Variants in SAMD12 observed in about 807,000 individuals in gnomAD.
SAMD12 encodes sterile alpha motif domain containing 12.
Under a neutral mutation model 15.0 loss-of-function variants are expected in SAMD12, and 9 were observed. That is an observed-to-expected ratio of 0.60 (90% confidence interval 0.36 to 1.05). SAMD12 has a LOEUF of 1.05. Ranked by LOEUF, SAMD12 falls within the 50% of genes least tolerant of loss-of-function variation. The pLI is 0.01. For synonymous variants in SAMD12, 86 were observed against 90.1 expected, an observed-to-expected ratio of 0.96 and a Z score of 0.25; for missense variants, 230 against 234.2, an observed-to-expected ratio of 0.98 and a Z score of 0.12.
chr8:118,202,049 A>C (rs991583297), intron 4 of SAMD12, among the ~76,000 whole-genome samples: 1 of 152,204 alleles, frequency 6.6e-6, no homozygotes, highest in African/African-American at 2.4e-5. Flanking sequence ...TGTTGAACAC[A>C]TGAATTTTTC....
chr8:118,410,917 A>G (rs1047648524), intron 3 of SAMD12, among the ~76,000 whole-genome samples: 2 of 152,208 alleles, frequency 1.3e-5, no homozygotes, highest in Admixed American at 6.5e-5. Context: ...AAACCTAAAC[A>G]GGTGGCATTA....
chr8:118,288,115 A>G (rs185017883), intron 4 of SAMD12: 1 of 152,324 alleles, frequency 6.6e-6, no homozygotes, highest in East Asian at 1.9e-4. Context: ...GGTGGTGAAA[A>G]GAAGTGACGA....
chr8:118,247,303 C>T (rs1267602698), intron 4 of SAMD12, among the ~76,000 whole-genome samples: 1 of 152,002 alleles, frequency 6.6e-6, no homozygotes, highest in Non-Finnish European at 1.5e-5. Flanking sequence ...TCAAAAGATA[C>T]AGAGTTTCAG....
intron 4 of SAMD12, among the ~76,000 whole-genome samples, chr8:118,274,876 A>C (rs1813437249): frequency 6.6e-6 from 1 of 152,096 alleles, no homozygotes; most frequent in East Asian, 1.9e-4. Context: ...TAATTGGGTA[A>C]TTTTCAGTTT....
intron 4 of SAMD12, among the ~76,000 whole-genome samples, chr8:118,322,698 A>C (rs1816346364): frequency 6.6e-6 from 1 of 152,158 alleles, no homozygotes; most frequent in Non-Finnish European, 1.5e-5. Context: ...CCATGGGTAA[A>C]GTTTCCACCA....
intron 4 of SAMD12, among the ~76,000 whole-genome samples, chr8:118,364,086 G>A (rs1200335158): frequency 6.6e-6 from 1 of 152,048 alleles, no homozygotes; most frequent in Non-Finnish European, 1.5e-5. Context: ...ACGAATCCCC[G>A]AACCGACCTT....
chr8:118,180,379 T>A, the SAMD12 span, among the ~76,000 whole-genome samples: 3 of 152,118 alleles, frequency 2.0e-5, no homozygotes, highest in South Asian at 6.2e-4. Context: ...AAATATGTAA[T>A]ACAAATATCC....
chr8:118,379,812 G>A, intron 3 of SAMD12, 112 bp from the exon 4 acceptor site: 1 of 1,323,372 alleles, frequency 7.6e-7, no homozygotes, highest in Non-Finnish European at 1.0e-6. Flanking sequence ...CCTAAACACA[G>A]ACATTTTAGA....
At chr8:118,287,928 T>C (rs915427705) in intron 4 of SAMD12, among the ~76,000 whole-genome samples, 4 of 152,118 alleles carry the variant, frequency 2.6e-5, no homozygotes, top group Admixed American at 1.3e-4. Context: ...CCCCTAAGGA[T>C]AGGAAAATGA....
chr8:118,184,507 T>C (rs949071198), downstream of SAMD12, among the ~76,000 whole-genome samples: 3 of 152,052 alleles, frequency 2.0e-5, no homozygotes, highest in South Asian at 2.1e-4. Flanking sequence ...TTCTTTCTTT[T>C]TTTTCTGAGA....
intron 2 of SAMD12, among the ~76,000 whole-genome samples, chr8:118,472,598 C>T (rs1823832656): frequency 6.6e-6 from 1 of 152,058 alleles, no homozygotes; most frequent in Non-Finnish European, 1.5e-5. Flanking sequence ...TCCCTTTACC[C>T]CAGGAGTTTG....
At chr8:118,510,609 T>C (rs1825053133) in intron 2 of SAMD12, among the ~76,000 whole-genome samples, 1 of 152,200 alleles carries the variant, frequency 6.6e-6, no homozygotes, top group African/African-American at 2.4e-5. Context: ...CCCAGGGTTA[T>C]GCAGTGTAAA....
intron 2 of SAMD12, among the ~76,000 whole-genome samples, chr8:118,548,840 C>G (rs558322218): frequency 1.3e-5 from 2 of 152,242 alleles, no homozygotes; most frequent in African/African-American, 4.8e-5. Context: ...TGTGCTTTTC[C>G]GACAGACTTA....
At chr8:118,184,900 GTTC>G, downstream of SAMD12, among the ~76,000 whole-genome samples, 1 of 101,834 alleles carries the variant, frequency 9.8e-6, no homozygotes, top group South Asian at 3.7e-4. Flanking sequence ...GATACCATTT[GTTC>G]TTTTTTTTTT....
chr8:118,526,623 A>G (rs1825544847), intron 2 of SAMD12, among the ~76,000 whole-genome samples: 1 of 152,140 alleles, frequency 6.6e-6, no homozygotes, highest in African/African-American at 2.4e-5. Flanking sequence ...GGTGAAGTGG[A>G]GCACCAGAAG....
chr8:118,587,643 A>G (rs1277104556), intron 1 of SAMD12, among the ~76,000 whole-genome samples: 1 of 152,218 alleles, frequency 6.6e-6, no homozygotes, highest in Non-Finnish European at 1.5e-5. Flanking sequence ...GGCATATGTG[A>G]TATCTAGAAC....
At chr8:118,152,750 C>T in the SAMD12 span, among the ~76,000 whole-genome samples, 5 of 152,236 alleles carry the variant, frequency 3.3e-5, no homozygotes, top group East Asian at 3.9e-4. Context: ...TCACCCCCCT[C>T]GGCCTCCCAC....
intron 4 of SAMD12, among the ~76,000 whole-genome samples, chr8:118,319,746 G>C (rs1816133903): frequency 6.6e-6 from 1 of 152,198 alleles, no homozygotes; most frequent in Non-Finnish European, 1.5e-5. Context: ...AATCCTGAGT[G>C]ATCAGGAAGA....
intron 2 of SAMD12, 21 bp downstream of exon 2, chr8:118,580,694 A>G (rs1827270483): frequency 6.3e-7 from 1 of 1,591,676 alleles, no homozygotes; most frequent in Non-Finnish European, 8.6e-7. Context: ...AATCTCCGTA[A>G]TTAACTGGAA....
Sources: gnomAD v4.1 joint callset for allele counts (sites outside exome capture counted in the v4.1 genomes callset) on GRCh38, gnomAD v4.1.1 for gene constraint, MANE v1.5 for transcripts, NCBI Gene and HGNC (gene_info 2026-07-23, HGNC 2026-07-21) for gene names.